The following RPTOR variants were observed in gnomAD, a reference collection of about 807,000 sequenced individuals.
RPTOR encodes regulatory associated protein of MTOR complex 1, also known as regulatory-associated protein of mTOR.
RPTOR carries 21 observed loss-of-function variants against 169.9 expected under a neutral mutation model. The ratio of observed to expected loss-of-function variants is 0.12; its 90% CI spans 0.09 to 0.18. RPTOR has a LOEUF of 0.18. Ranked by LOEUF, RPTOR falls within the 10% of genes least tolerant of loss-of-function variation. The pLI is 1.00. For missense variants in RPTOR, 1,133 were observed against 1,855.9 expected (o/e 0.61, Z 7.16); for synonymous variants, 732 against 753.2 (o/e 0.97, Z 0.46).
At chr17:80,838,712 G>A (rs952194973) in intron 10 of RPTOR, among the ~76,000 whole-genome samples, 74 of 152,324 alleles carry the variant, frequency 4.9e-4, no homozygotes, top group African/African-American at 1.7e-3. Context: ...TGGGGGAGGC[G>A]GCAGCCTGGG....
intron 2 of RPTOR, among the ~76,000 whole-genome samples, chr17:80,640,100 C>G (rs1343153025): frequency 1.4e-5 from 2 of 147,366 alleles, no homozygotes; most frequent in African/African-American, 4.9e-5. Context: ...AAGTTTTATG[C>G]AAATACCATT....
At chr17:80,961,366 C>G (rs1296304298) in intron 30 of RPTOR, 28 bp from the exon 31 acceptor site, 5 of 1,538,806 alleles carry the variant, frequency 3.2e-6, no homozygotes, top group Non-Finnish European at 4.4e-6. Flanking sequence ...AGGGAAGCCC[C>G]ACGCTGAGCG....
chr17:80,788,016 A>C (rs529348350), intron 6 of RPTOR, among the ~76,000 whole-genome samples: 1 of 152,234 alleles, frequency 6.6e-6, no homozygotes, highest in Non-Finnish European at 1.5e-5. Context: ...TCTCCCCTCT[A>C]ACTTTAGCTT....
chr17:80,794,645 C>A (rs1387555735), intron 7 of RPTOR, among the ~76,000 whole-genome samples: 1 of 152,210 alleles, frequency 6.6e-6, no homozygotes, highest in Non-Finnish European at 1.5e-5. Flanking sequence ...TTACCCCAAG[C>A]CGGAAGCAAC....
intron 12 of RPTOR, 50 bp from the exon 13 acceptor site, chr17:80,857,740 C>A: frequency 7.2e-7 from 1 of 1,398,158 alleles, no homozygotes; most frequent in South Asian, 1.2e-5. Flanking sequence ...CTGCTGCTGC[C>A]CGTTCCCTTG....
chr17:80,919,684 TC>T (rs1297481809), intron 21 of RPTOR, among the ~76,000 whole-genome samples: 1 of 152,222 alleles, frequency 6.6e-6, no homozygotes, highest in African/African-American at 2.4e-5. Context: ...ACCTCCATCT[TC>T]CAGGCGTGTT....
intron 2 of RPTOR, among the ~76,000 whole-genome samples, chr17:80,628,025 A>G (rs1022664014): frequency 2.6e-5 from 4 of 151,922 alleles, no homozygotes; most frequent in Non-Finnish European, 5.9e-5. Flanking sequence ...TTTAATAGAG[A>G]CAGGATTTCT....
chr17:80,676,036 T>TGAGTGTCTAGTATCAAGTGTAGCC (rs1555605615), intron 3 of RPTOR, among the ~76,000 whole-genome samples: 2 of 152,110 alleles, frequency 1.3e-5, no homozygotes, highest in Admixed American at 1.3e-4. Context: ...AAAATGTAGC[T>TGAGTGTCTAGTATCAAGTGTAGCC]GAGTGTCTAG....
intron 2 of RPTOR, among the ~76,000 whole-genome samples, chr17:80,630,177 T>C (rs1431833302): frequency 6.6e-6 from 1 of 152,272 alleles, no homozygotes; most frequent in Admixed American, 6.5e-5. Flanking sequence ...CTGAGTCTCC[T>C]AATTCCTTTA....
chr17:80,849,144 C>T (rs931717040), intron 11 of RPTOR, among the ~76,000 whole-genome samples: 10 of 152,346 alleles, frequency 6.6e-5, no homozygotes, highest in Admixed American at 4.6e-4. Flanking sequence ...CTCACTTCCC[C>T]GCGCTTTCTC....
intron 25 of RPTOR, among the ~76,000 whole-genome samples, chr17:80,943,253 G>A (rs1192099385): frequency 6.6e-6 from 1 of 152,186 alleles, no homozygotes; most frequent in East Asian, 1.9e-4. Context: ...GTTCAGAGCA[G>A]CCTGCAGCAG....
At chr17:80,886,276 C>T (rs1036269610) in intron 17 of RPTOR, among the ~76,000 whole-genome samples, 2 of 152,242 alleles carry the variant, frequency 1.3e-5, no homozygotes, top group Admixed American at 6.5e-5. Flanking sequence ...TGGAAAGTCA[C>T]GTTCTATCGT....
At chr17:80,828,659 A>G (rs1367129134) in intron 9 of RPTOR, among the ~76,000 whole-genome samples, 1 of 152,170 alleles carries the variant, frequency 6.6e-6, no homozygotes, top group Non-Finnish European at 1.5e-5. Flanking sequence ...TTGCCCCACA[A>G]CCAATGTGAC....
intron 3 of RPTOR, among the ~76,000 whole-genome samples, chr17:80,678,340 C>T (rs201003662): frequency 2.0e-4 from 30 of 152,196 alleles, no homozygotes; most frequent in African/African-American, 7.0e-4. Flanking sequence ...TGTGGTGGCT[C>T]ATGCCTATAA....
intron 13 of RPTOR, among the ~76,000 whole-genome samples, chr17:80,877,088 T>C (rs2068128935): frequency 6.6e-6 from 1 of 151,942 alleles, no homozygotes. Flanking sequence ...ACTGAGCCCG[T>C]GCCACGCAGG....
chr17:80,629,098 T>A (rs2065419072), intron 2 of RPTOR, among the ~76,000 whole-genome samples: 1 of 141,742 alleles, frequency 7.1e-6, no homozygotes, highest in Non-Finnish European at 1.6e-5. Flanking sequence ...TGTGTGTCTC[T>A]ATCTTCTGGG....
At chr17:80,942,291 A>G (rs1044711567) in intron 25 of RPTOR, among the ~76,000 whole-genome samples, 16 of 151,546 alleles carry the variant, frequency 1.1e-4, no homozygotes, top group Non-Finnish European at 2.1e-4. Context: ...ACAGTTCAAC[A>G]TCTGAAGATG....
At chr17:80,816,708 G>A (rs567284790) in intron 7 of RPTOR, among the ~76,000 whole-genome samples, 13 of 152,312 alleles carry the variant, frequency 8.5e-5, no homozygotes, top group South Asian at 8.3e-4. Flanking sequence ...GGGCTTGGGA[G>A]GAGGTGGCTT....
chr17:80,693,654 TA>T (rs1242035804), intron 3 of RPTOR, among the ~76,000 whole-genome samples: 10 of 152,226 alleles, frequency 6.6e-5, no homozygotes, highest in Non-Finnish European at 1.5e-5. Context: ...CGCAATTTCC[TA>T]CTCTCAGCAT....
Sources: allele counts gnomAD v4.1 joint callset (sites outside exome capture counted in the v4.1 genomes callset), GRCh38; gene constraint gnomAD v4.1.1; transcripts MANE v1.5; gene names NCBI Gene and HGNC (gene_info 2026-07-23, HGNC 2026-07-21).